TSHZ1: variants seen among roughly 807,000 people sequenced by gnomAD.
TSHZ1 encodes the protein teashirt homolog 1.
Under a neutral mutation model 67.1 loss-of-function variants are expected in TSHZ1, and 12 were observed. The ratio of observed to expected loss-of-function variants is 0.18; its 90% confidence interval spans 0.11 to 0.29. TSHZ1 has a LOEUF of 0.29. TSHZ1 is among the 10% of genes least tolerant of loss of function. The pLI, the probability that TSHZ1 is intolerant of heterozygous loss-of-function variation, is 1.00. For missense variants in TSHZ1, 1,305 were observed against 1,413.9 expected, an observed-to-expected ratio of 0.92 and a Z score of 1.23; for synonymous variants, 632 against 622.4, an observed-to-expected ratio of 1.02 and a Z score of -0.23.
intron 1 of TSHZ1, among the ~76,000 whole-genome samples, chr18:75,274,239 G>A (rs1174496798): frequency 6.6e-6 from 1 of 152,128 alleles, no homozygotes; most frequent in Non-Finnish European, 1.5e-5. Flanking sequence ...TTTATTTGAT[G>A]GGGAAAAATG....
chr18:75,242,200 T>C (rs1161746343), intron 1 of TSHZ1, among the ~76,000 whole-genome samples: 3 of 152,146 alleles, frequency 2.0e-5, no homozygotes, highest in Non-Finnish European at 4.4e-5. Flanking sequence ...GCCATTAATT[T>C]GGTTTGATAA....
chr18:75,230,526 T>C (rs2022984204), intron 1 of TSHZ1, among the ~76,000 whole-genome samples: 1 of 152,238 alleles, frequency 6.6e-6, no homozygotes, highest in Admixed American at 6.5e-5. Flanking sequence ...TTAATTTTTT[T>C]CTTGGAGAGT....
Position 75,289,318 on chromosome 18 carries a change from A to G in TSHZ1, c.*677A>G, listed in dbSNP as rs1262766955. 1.2e-5 allele frequency: 2 copies of G among 166,880 alleles called. No homozygotes were observed. Among genetic ancestry groups the G allele is most frequent in the African/African-American group, 2.4e-5 (1 of 41,450 alleles). 10.3% of individuals were successfully genotyped at this position (166,880 alleles called of 1,614,324 possible). On this transcript the variant is annotated 3_prime_UTR_variant, in exon 2 of 2. Transcript: ENST00000580243. ...GATACCCCACTCGCCACTATGCCCA[A>G]ACCCTCTGGATGCTGAAAAATGCCA...
chr18:75,274,989 A>G (rs1568366189), intron 1 of TSHZ1, among the ~76,000 whole-genome samples: 1 of 152,186 alleles, frequency 6.6e-6, no homozygotes, highest in Non-Finnish European at 1.5e-5. Flanking sequence ...TCACACTGAT[A>G]AATAATTTCT....
At chr18:75,266,090 C>T (rs763201267) in intron 1 of TSHZ1, among the ~76,000 whole-genome samples, 12 of 152,176 alleles carry the variant, frequency 7.9e-5, no homozygotes, top group Non-Finnish European at 1.6e-4. Context: ...TCCCCATCCC[C>T]GGGTGAGTGA....
At chr18:75,229,434 G>A (rs1002856216) in intron 1 of TSHZ1, among the ~76,000 whole-genome samples, 2 of 152,208 alleles carry the variant, frequency 1.3e-5, no homozygotes, top group African/African-American at 4.8e-5. Flanking sequence ...GGGACCCATC[G>A]GAGCACCTGT....
At chr18:75,258,315 C>T (rs2023387261) in intron 1 of TSHZ1, among the ~76,000 whole-genome samples, 1 of 152,212 alleles carries the variant, frequency 6.6e-6, no homozygotes, top group Non-Finnish European at 1.5e-5. Flanking sequence ...CTAGTGTCTA[C>T]TATATGAGCT....
rs200629224 is a variant in TSHZ1 at position 75,287,172 on chromosome 18, G to C, written c.1765G>C (p.Val589Leu). Residue 589 changes from valine (V) to leucine (L), a missense_variant, in exon 2 of 2, where the codon GTG (valine) becomes CTG (leucine). Val to Leu is a conservative substitution (Grantham distance 32). Coordinates refer to ENST00000580243, the MANE Select transcript of TSHZ1 (RefSeq NM_001308210.2). The surrounding 1 kb of genome is among the most constrained non-coding windows in gnomAD (Gnocchi z 5.0). The part of the protein sequence containing the change: ...IHAAYQLPGT[V>L]KPLPAAVQSV... The stretch of plus-strand genomic sequence containing the variant: ...TGCAGCCTACCAGCTCCCGGGCACC[G>C]TGAAGCCACTGCCGGCGGCCGTGCA... The C allele has an allele frequency of 6.2e-6, 10 of 1,613,746 alleles. No homozygotes were observed. The East Asian group carries it at 2.0e-4, about 32-fold the overall frequency.
intron 1 of TSHZ1, among the ~76,000 whole-genome samples, chr18:75,257,860 A>C (rs566603031): frequency 2.0e-5 from 3 of 152,232 alleles, no homozygotes; most frequent in Admixed American, 6.5e-5. Flanking sequence ...CATCTGCCTC[A>C]GTTTCTTTGT....
At position 75,286,835 on chromosome 18, in the gene TSHZ1, G is replaced by A. The variant is rs770514932; in HGVS notation, c.1428G>A (p.Thr476=). 17 of 1,614,004 alleles carry A rather than the reference G, an allele frequency of 1.1e-5. No individual in the cohort carries two copies. Among genetic ancestry groups the A allele is most frequent in the Admixed American group, 3.3e-5 (2 of 60,022 alleles). The change falls in exon 2 of 2, where the codon ACG becomes ACA. Residue 476 remains threonine, a synonymous_variant. Coordinates refer to ENST00000580243, the MANE Select transcript of TSHZ1 (RefSeq NM_001308210.2). The surrounding 1 kb of genome is among the most constrained non-coding windows in gnomAD (Gnocchi z 5.1). ...QSIPLPPTTH[T]RLPASSIKKQ... ...TCCCACTACCGCCCACCACCCACAC[G>A]CGGCTGCCGGCCTCCAGCATCAAAA... is the stretch of plus-strand genomic sequence containing the variant.
chr18:75,216,074 GC>G (rs2022763468), intron 1 of TSHZ1, among the ~76,000 whole-genome samples: 1 of 152,110 alleles, frequency 6.6e-6, no homozygotes, highest in Non-Finnish European at 1.5e-5. Flanking sequence ...GCCTGCGTAT[GC>G]TTTCTGAATA....
chr18:75,256,546 A>T (rs2023363823), intron 1 of TSHZ1, among the ~76,000 whole-genome samples: 2 of 152,300 alleles, frequency 1.3e-5, no homozygotes, highest in Admixed American at 6.5e-5. Context: ...GAGGGAAGAG[A>T]TTTCTTAATA....
In TSHZ1 at chr18:75,288,294, C is replaced by T; in HGVS notation, c.2887C>T (p.Leu963=). 6.2e-7 allele frequency: 1 copy of T among 1,614,212 alleles called. No individual in the cohort carries two copies. Among genetic ancestry groups the T allele is most frequent in the Non-Finnish European group, 8.5e-7 (1 of 1,180,038 alleles). ...AGGGGGAACGAAATTCCTAAAGAAC[C>T]TGGACACAGGGCATCCTGTTTTCTT... ...RTGGTKFLKN[L]DTGHPVFFCN... Residue 963 remains leucine (L), a synonymous_variant, in exon 2 of 2, where the codon CTG becomes TTG. Transcript: ENST00000580243. The surrounding 1 kb of genome is among the most constrained non-coding windows in gnomAD (Gnocchi z 4.9).
chr18:75,226,873 G>T lies in TSHZ1; in HGVS notation c.40+14957G>T, dbSNP rs528401215. On this transcript the variant is annotated intron_variant, in intron 1 of 1. Transcript: ENST00000580243. ...AGCCTGTGATGTTTCTGTCTTCAGA[G>T]CATTACTGTAAGTCCTTCAACCTTC... Among the ~76,000 whole-genome samples, 5 of 152,250 alleles carry T rather than the reference G, an allele frequency of 3.3e-5. No individual in the cohort carries two copies. The East Asian group carries it at 5.8e-4, about 18-fold the overall frequency.
intron 1 of TSHZ1, among the ~76,000 whole-genome samples, chr18:75,256,725 G>A (rs542180364): frequency 6.6e-6 from 1 of 152,266 alleles, no homozygotes; most frequent in African/African-American, 2.4e-5. Context: ...AATTTTTAGT[G>A]ATTTTAGTAA....
rs1183166907 is a variant in TSHZ1, at chr18:75,240,260, C to A, written c.40+28344C>A. 2.0e-5 allele frequency among the ~76,000 whole-genome samples: 3 copies of A among 152,050 alleles called. No individual in the cohort carries two copies. The South Asian group carries it at 6.2e-4, about 31-fold the overall frequency. On this transcript the variant is annotated intron_variant, in intron 1 of 1. Transcript: ENST00000580243. ...TCTCTCTTACACATGGTTTTAGGAT[C>A]TCAATTTCTGCCTGAAAGTGATATT...
intron 1 of TSHZ1, among the ~76,000 whole-genome samples, chr18:75,243,252 T>C (rs1013646556): frequency 6.6e-6 from 1 of 152,212 alleles, no homozygotes; most frequent in African/African-American, 2.4e-5. Flanking sequence ...CGTAAAGTGG[T>C]GTAGCTCCGA....
intron 1 of TSHZ1, among the ~76,000 whole-genome samples, chr18:75,258,599 A>G (rs919293638): frequency 6.6e-6 from 1 of 152,228 alleles, no homozygotes; most frequent in Non-Finnish European, 1.5e-5. Context: ...CCATGGTGAT[A>G]CAGTATATAA....
intron 1 of TSHZ1, among the ~76,000 whole-genome samples, chr18:75,241,486 G>A (rs973235800): frequency 1.6e-4 from 24 of 152,116 alleles, no homozygotes; most frequent in African/African-American, 5.8e-4. Context: ...GGGTTGGCGG[G>A]ATGTGCGTCT....
Sources: allele counts gnomAD v4.1 joint callset (sites outside exome capture counted in the v4.1 genomes callset), GRCh38; gene constraint gnomAD v4.1.1; non-coding constraint Gnocchi (gnomAD v3.1); transcripts MANE v1.5; gene names NCBI Gene and HGNC (gene_info 2026-07-23, HGNC 2026-07-21).